PPM1L: variants seen among roughly 807,000 people sequenced by gnomAD.
PPM1L encodes protein phosphatase, Mg2+/Mn2+ dependent 1L, also known as protein phosphatase 1L.
PPM1L carries 13 observed loss-of-function variants against 31.4 expected under a neutral mutation model. The ratio of observed to expected loss-of-function variants is 0.41; its 90% CI spans 0.27 to 0.66. The LOEUF (loss-of-function observed/expected upper bound fraction) is 0.66, where lower values mean the gene tolerates loss of function less well. PPM1L is among the 30% of genes least tolerant of loss of function. The pLI is 0.29. For synonymous variants in PPM1L, 184 were observed against 175.4 expected (o/e 1.05, Z -0.39); for missense variants, 326 against 453.7 (o/e 0.72, Z 2.56).
At chr3:160,775,740 A>G (rs1423996834) in intron 1 of PPM1L, among the ~76,000 whole-genome samples, 3 of 152,244 alleles carry the variant, frequency 2.0e-5, no homozygotes, top group Non-Finnish European at 4.4e-5. Context: ...ATTACAGTAC[A>G]TTAGACGTGC....
chr3:160,884,110 C>T (rs974662965), intron 1 of PPM1L, among the ~76,000 whole-genome samples: 1 of 151,882 alleles, frequency 6.6e-6, no homozygotes, highest in Non-Finnish European at 1.5e-5. Flanking sequence ...AGGGGGAAGA[C>T]ACAATTCCTA....
chr3:160,940,155 C>G (rs1297397241), intron 1 of PPM1L, among the ~76,000 whole-genome samples: 1 of 152,110 alleles, frequency 6.6e-6, no homozygotes, highest in Non-Finnish European at 1.5e-5. Flanking sequence ...GGGTATCTGG[C>G]AGAAGAAATT....
intron 1 of PPM1L, among the ~76,000 whole-genome samples, chr3:160,803,711 G>C (rs1712507002): frequency 6.6e-6 from 1 of 152,110 alleles, no homozygotes; most frequent in South Asian, 2.1e-4. Flanking sequence ...AATTTTTACT[G>C]CTGTTATTTC....
chr3:161,056,075 T>G (rs1194424605), intron 2 of PPM1L, among the ~76,000 whole-genome samples: 1 of 152,142 alleles, frequency 6.6e-6, no homozygotes, highest in Non-Finnish European at 1.5e-5. Context: ...AATTTTTAAA[T>G]CATACCTGTG....
chr3:160,937,903 T>TA, intron 1 of PPM1L, among the ~76,000 whole-genome samples: 1 of 152,336 alleles, frequency 6.6e-6, no homozygotes, highest in Admixed American at 6.5e-5. Context: ...TTTTTGCAGG[T>TA]ATGATCTACA....
chr3:161,058,166 C>CCAG (rs1445156330), intron 2 of PPM1L, among the ~76,000 whole-genome samples: 1 of 81,468 alleles, frequency 1.2e-5, no homozygotes, highest in Non-Finnish European at 2.7e-5. Context: ...ACTCTGTCAG[C>CCAG]CAGGCTGGAG....
At chr3:160,805,117 C>T (rs1318288446) in intron 1 of PPM1L, among the ~76,000 whole-genome samples, 1 of 152,212 alleles carries the variant, frequency 6.6e-6, no homozygotes, top group Non-Finnish European at 1.5e-5. Context: ...CCTAGCCCAG[C>T]TAGGCAGATC....
At chr3:160,893,490 A>G (rs1713225190) in intron 1 of PPM1L, among the ~76,000 whole-genome samples, 1 of 152,304 alleles carries the variant, frequency 6.6e-6, no homozygotes, top group Non-Finnish European at 1.5e-5. Context: ...TGATTTCACA[A>G]CCAGCCTCCA....
rs1046797598 is a variant in PPM1L, at chr3:161,069,320, G to A, written c.*163G>A. On this transcript the variant is annotated 3_prime_UTR_variant, in exon 4 of 4. Coordinates refer to ENST00000498165, the MANE Select transcript of PPM1L (RefSeq NM_139245.4). ...GTCTATAATCAGTGACGAACAGAGG[G>A]TGCCCTTGGCCAATGTAGTTAAGAA... 29 of 626,936 alleles carry A rather than the reference G, an allele frequency of 4.6e-5. No individual in the cohort carries two copies. Among genetic ancestry groups the A allele is most frequent in the South Asian group, 2.3e-4 (11 of 47,820 alleles). The allele number at this position is 626,936 out of a possible 1,614,324, so 38.8% of individuals were successfully genotyped here.
At chr3:160,804,089 T>G (rs989253086) in intron 1 of PPM1L, among the ~76,000 whole-genome samples, 1 of 150,986 alleles carries the variant, frequency 6.6e-6, no homozygotes, top group African/African-American at 2.5e-5. Flanking sequence ...AGCTAATTTT[T>G]TTTCTTTTTT....
chr3:160,922,860 G>A (rs545217645), intron 1 of PPM1L, among the ~76,000 whole-genome samples: 2 of 152,290 alleles, frequency 1.3e-5, no homozygotes, highest in South Asian at 2.1e-4. Context: ...ACAGACATGG[G>A]TTCTCTTCTC....
chr3:160,944,946 CTA>C lies in PPM1L; in HGVS notation c.400-16783_400-16782del, dbSNP rs1341131786. Among the ~76,000 whole-genome samples the C allele has an allele frequency of 2.7e-3, 160 of 58,266 alleles. 11 individuals carry two copies. Among genetic ancestry groups the C allele is most frequent in the Non-Finnish European group, 4.8e-3 (139 of 29,040 alleles). 38.2% of individuals were successfully genotyped at this position (58,266 alleles called of 152,430 possible). Reference sequence around the variant, plus strand: ...GTGGAGATATATATATTATATATAACTATATATAACTATATAACATATATTAT... The same window carrying C: ...GTGGAGATATATATATTATATATAACTATATAACTATATAACATATATTAT... On this transcript the variant is annotated intron_variant, in intron 1 of 3. Transcript: ENST00000498165.
intron 1 of PPM1L, among the ~76,000 whole-genome samples, chr3:160,901,657 C>T (rs775359220): frequency 1.4e-4 from 21 of 152,180 alleles, no homozygotes; most frequent in Non-Finnish European, 7.3e-5. Flanking sequence ...TTATCTCAAG[C>T]GCTTGAATAT....
At chr3:161,039,617 G>T (rs1462115804) in intron 2 of PPM1L, among the ~76,000 whole-genome samples, 1 of 152,084 alleles carries the variant, frequency 6.6e-6, no homozygotes. Context: ...CTGCCTCCCG[G>T]TTTCATGCCA....
At chr3:160,936,450 C>T (rs1299298513) in intron 1 of PPM1L, among the ~76,000 whole-genome samples, 3 of 152,114 alleles carry the variant, frequency 2.0e-5, no homozygotes, top group Non-Finnish European at 4.4e-5. Context: ...TCATTCAACC[C>T]TAGGTAGCAA....
At chr3:160,980,225 A>G (rs1290096544) in intron 2 of PPM1L, among the ~76,000 whole-genome samples, 1 of 152,056 alleles carries the variant, frequency 6.6e-6, no homozygotes, top group Admixed American at 6.5e-5. Context: ...ATTAGATTTG[A>G]TGCTTTACTT....
At chr3:160,790,937 T>C (rs1712086900) in intron 1 of PPM1L, among the ~76,000 whole-genome samples, 1 of 152,138 alleles carries the variant, frequency 6.6e-6, no homozygotes, top group South Asian at 2.1e-4. Flanking sequence ...CTGTTAAGAG[T>C]TATTTTCAGG....
At chr3:160,796,908 A>T (rs1048366835) in intron 1 of PPM1L, among the ~76,000 whole-genome samples, 9 of 152,058 alleles carry the variant, frequency 5.9e-5, no homozygotes, top group African/African-American at 2.2e-4. Context: ...GTTATTTCCA[A>T]ATACCCTGGA....
At chr3:160,782,746 A>G (rs1338059963) in intron 1 of PPM1L, among the ~76,000 whole-genome samples, 4 of 152,198 alleles carry the variant, frequency 2.6e-5, no homozygotes, top group Admixed American at 6.5e-5. Context: ...TAAAAAATAC[A>G]TAGAGCTTAG....
Sources: allele counts gnomAD v4.1 joint callset (sites outside exome capture counted in the v4.1 genomes callset), GRCh38; gene constraint gnomAD v4.1.1; transcripts MANE v1.5; gene names NCBI Gene and HGNC (gene_info 2026-07-23, HGNC 2026-07-21).